The following EFCAB5 variants were observed in gnomAD, a reference collection of about 807,000 sequenced individuals.
EFCAB5 encodes EF-hand calcium-binding domain-containing protein 5.
In EFCAB5, 131 loss-of-function variants were observed where a neutral mutation model predicts 167.9. That is an observed-to-expected ratio of 0.78 (90% CI 0.68 to 0.90). The LOEUF (loss-of-function observed/expected upper bound fraction) is 0.90, where lower values mean the gene tolerates loss of function less well. Ranked by LOEUF, EFCAB5 falls within the 40% of genes least tolerant of loss-of-function variation. The pLI is 0.00. For missense variants in EFCAB5, 1,663 were observed against 1,745.2 expected (o/e 0.95, Z 0.84); for synonymous variants, 574 against 602.8 (o/e 0.95, Z 0.70).
chr17:30,068,924 A>T (rs1386485877), intron 14 of EFCAB5: 1 of 1,544,892 alleles, frequency 6.5e-7, no homozygotes, highest in Non-Finnish European at 8.9e-7. Context: ...ATAGACCAGG[A>T]TGTCCAGATA....
At chr17:30,072,069 T>C in intron 14 of EFCAB5, among the ~76,000 whole-genome samples, 1 of 152,200 alleles carries the variant, frequency 6.6e-6, no homozygotes, top group East Asian at 1.9e-4. Context: ...GCGTAAGTTA[T>C]AGTGTTCTAT....
Position 30,108,187 on chromosome 17 carries a change from G to A in EFCAB5, c.*163G>A. On this transcript the variant is annotated 3_prime_UTR_variant, in exon 23 of 23. Transcript: ENST00000394835. The stretch of plus-strand genomic sequence containing the variant: ...TTCTAAACCCAAAAGTGCTACCTAA[G>A]AAGAAATTTAGCCAAAAAATACCCA... The A allele has an allele frequency of 6.5e-6, 5 of 765,694 alleles. No homozygotes were observed. In the South Asian group the frequency reaches 1.1e-4, roughly 17 times the overall value. 47.4% of individuals were successfully genotyped at this position (765,694 alleles called of 1,614,324 possible).
intron 8 of EFCAB5, among the ~76,000 whole-genome samples, chr17:30,036,283 AAT>A (rs2069620766): frequency 8.7e-6 from 1 of 115,584 alleles, no homozygotes; most frequent in Non-Finnish European, 1.8e-5. Context: ...AATTATATAT[AAT>A]ACACATATAT....
At chr17:29,981,417 A>T (rs964919152) in intron 4 of EFCAB5, among the ~76,000 whole-genome samples, 2 of 152,112 alleles carry the variant, frequency 1.3e-5, no homozygotes, top group Non-Finnish European at 2.9e-5. Flanking sequence ...CTCTTTACTT[A>T]ATCCTACCCA....
intron 8 of EFCAB5, among the ~76,000 whole-genome samples, chr17:30,050,771 A>G (rs2070069982): frequency 1.3e-5 from 2 of 152,248 alleles, no homozygotes; most frequent in Admixed American, 1.3e-4. Context: ...TAACAATGGA[A>G]AAAGGACAAG....
At chr17:30,038,227 G>A (rs1009895824) in intron 8 of EFCAB5, among the ~76,000 whole-genome samples, 1 of 152,212 alleles carries the variant, frequency 6.6e-6, no homozygotes, top group Non-Finnish European at 1.5e-5. Flanking sequence ...TCTTCTTAGA[G>A]GCTAGTGCAG....
intron 9 of EFCAB5, among the ~76,000 whole-genome samples, chr17:30,051,622 T>C (rs1597727964): frequency 6.6e-6 from 1 of 152,178 alleles, no homozygotes; most frequent in Admixed American, 6.5e-5. Flanking sequence ...AGTGGCATGA[T>C]CATGACTCAC....
intron 17 of EFCAB5, among the ~76,000 whole-genome samples, chr17:30,082,592 T>C (rs1439171921): frequency 6.6e-6 from 1 of 152,274 alleles, no homozygotes; most frequent in Non-Finnish European, 1.5e-5. Context: ...GGTTTCACCA[T>C]GTTGGCCAGG....
Position 29,969,295 on chromosome 17 carries a change from C to T in EFCAB5, c.695C>T (p.Ser232Phe). 1 of 1,613,086 alleles carries T rather than the reference C, an allele frequency of 6.2e-7. No homozygotes were observed. The highest frequency in any genetic ancestry group is 8.5e-7 in the Non-Finnish European group (1 of 1,179,610). ...AATTATATCAAAGACCCAGGAATGT[C>T]TGGTTACCAGAGGTTGATGAAAGAA... ...NPNYIKDPGM[S>F]GYQRLMKEVT... The change falls in exon 4 of 23, where the codon TCT becomes TTT. Residue 232 changes from serine (S) to phenylalanine (F), a missense_variant. By Grantham distance (155) the Ser-to-Phe change is radical. Coordinates refer to ENST00000394835, the MANE Select transcript of EFCAB5 (RefSeq NM_198529.4).
chr17:30,033,841 C>T (rs2069546438), intron 7 of EFCAB5, among the ~76,000 whole-genome samples: 1 of 152,226 alleles, frequency 6.6e-6, no homozygotes, highest in Admixed American at 6.5e-5. Context: ...TCTTGCAATA[C>T]ACATGCTTTT....
chr17:30,091,709 T>C (rs912931719), intron 20 of EFCAB5, among the ~76,000 whole-genome samples, 162 bp from the exon 21 acceptor site: 8 of 152,208 alleles, frequency 5.3e-5, no homozygotes, highest in African/African-American at 1.9e-4. Context: ...TCTTTTGATT[T>C]CATGGCTAAA....
At chr17:30,047,296 G>C (rs140371672) in intron 8 of EFCAB5, among the ~76,000 whole-genome samples, 29 of 152,016 alleles carry the variant, frequency 1.9e-4, no homozygotes, top group Admixed American at 6.6e-5. Flanking sequence ...CTACCATATC[G>C]CCCAGGACAG....
intron 8 of EFCAB5, among the ~76,000 whole-genome samples, chr17:30,041,381 T>A (rs1392097886): frequency 1.3e-5 from 2 of 152,160 alleles, no homozygotes; most frequent in Non-Finnish European, 2.9e-5. Flanking sequence ...TAGCTGCAGA[T>A]ATAGTGGAAA....
rs201514253 is a variant in EFCAB5, at chr17:30,087,081, C to A, written c.3598C>A (p.Arg1200Ser). ...SPAQDSDYVL[R>S]NMMVTGQLGL... is the part of the protein sequence containing the mutation. ...TTTCAAGGATTCAGACTATGTTTTACGCAACATGATGGTTACAGGGCAGCT... is the reference window on the plus strand; with the variant it reads ...TTTCAAGGATTCAGACTATGTTTTAAGCAACATGATGGTTACAGGGCAGCT... The change falls in exon 19 of 23, where the codon CGC becomes AGC. Residue 1200 changes from arginine to serine, a missense_variant. Transcript: ENST00000394835. 1 of 1,613,170 alleles carries A rather than the reference C, an allele frequency of 6.2e-7. No individual in the cohort carries two copies. The highest frequency in any genetic ancestry group is 8.5e-7 in the Non-Finnish European group (1 of 1,179,430).
At chr17:29,940,400 G>T (rs2067282679), upstream of EFCAB5, among the ~76,000 whole-genome samples, 1 of 152,072 alleles carries the variant, frequency 6.6e-6, no homozygotes. Flanking sequence ...CTTTAAGGCA[G>T]GTCTTATTCA....
intron 3 of EFCAB5, among the ~76,000 whole-genome samples, chr17:29,962,536 T>A (rs546159254): frequency 7.8e-4 from 118 of 151,962 alleles, no homozygotes; most frequent in Middle Eastern, 3.4e-3. Context: ...AGTGATGTAA[T>A]CATAGCTCAC....
intron 15 of EFCAB5, among the ~76,000 whole-genome samples, chr17:30,078,831 G>A (rs1316187422): frequency 6.6e-6 from 1 of 152,238 alleles, no homozygotes; most frequent in Admixed American, 6.5e-5. Flanking sequence ...TATCAGTAAG[G>A]AGATGTACAA....
intron 3 of EFCAB5, among the ~76,000 whole-genome samples, chr17:29,960,585 T>A (rs538102818): frequency 1.1e-3 from 175 of 152,180 alleles, no homozygotes; most frequent in Non-Finnish European, 2.1e-3. Context: ...CCTGATGCTC[T>A]CCTTCCCCTA....
chr17:30,055,905 G>C lies in EFCAB5; in HGVS notation c.2212G>C (p.Val738Leu), dbSNP rs1475117350. ...DHFPETTKKE[V>L]QKDKPCEPKS... ...CCTTTTAGAAACTACAAAAAAGGAA[G>C]TTCAGAAAGACAAGCCCTGTGAACC... Residue 738 changes from valine to leucine, a missense_variant, in exon 11 of 23, where the codon GTT becomes CTT. Transcript: ENST00000394835. 1 of 1,613,164 alleles carries C rather than the reference G, an allele frequency of 6.2e-7. No individual in the cohort carries two copies. Among genetic ancestry groups the C allele is most frequent in the Admixed American group, 1.7e-5 (1 of 59,848 alleles).
Sources: gnomAD v4.1 joint callset for allele counts (sites outside exome capture counted in the v4.1 genomes callset) on GRCh38, gnomAD v4.1.1 for gene constraint, MANE v1.5 for transcripts, NCBI Gene and HGNC (gene_info 2026-07-23, HGNC 2026-07-21) for gene names.